The following GPR39 variants were observed in gnomAD, a reference collection of about 807,000 sequenced individuals.
The protein encoded by GPR39 is G protein-coupled receptor 39, also known as zinc sensing receptor.
GPR39 carries 23 observed loss-of-function variants against 18.4 expected under a neutral mutation model. That is an observed-to-expected ratio of 1.25 (90% CI 0.90 to 1.77). The LOEUF is 1.77. Among genes scored for constraint, GPR39 ranks in the 40% most tolerant of loss-of-function variants. The pLI is 0.00. For missense variants in GPR39, 647 were observed against 602.4 expected (o/e 1.07, Z -0.78); for synonymous variants, 280 against 257.9 (o/e 1.09, Z -0.82).
At chr2:132,608,847 G>A (rs1454860251) in intron 1 of GPR39, among the ~76,000 whole-genome samples, 8 of 152,188 alleles carry the variant, frequency 5.3e-5, no homozygotes, top group Non-Finnish European at 1.0e-4. Flanking sequence ...ACTTGAGATG[G>A]CATTTTCCTG....
intron 1 of GPR39, among the ~76,000 whole-genome samples, chr2:132,450,602 C>T (rs1215104196): frequency 2.0e-5 from 3 of 152,230 alleles, no homozygotes; most frequent in African/African-American, 7.2e-5. Context: ...TTTCCTGCTT[C>T]CTTCACCTAT....
intron 1 of GPR39, among the ~76,000 whole-genome samples, chr2:132,563,813 G>T (rs1030439054): frequency 2.0e-5 from 3 of 151,732 alleles, no homozygotes; most frequent in African/African-American, 7.3e-5. Context: ...ATTTAAATAG[G>T]TGGCCTGGGC....
chr2:132,525,628 C>G (rs1679494651), intron 1 of GPR39, among the ~76,000 whole-genome samples: 1 of 152,198 alleles, frequency 6.6e-6, no homozygotes, highest in Non-Finnish European at 1.5e-5. Flanking sequence ...ATCGTTTCTG[C>G]CTGTCTTACT....
chr2:132,525,696 G>C (rs1679495911), intron 1 of GPR39, among the ~76,000 whole-genome samples: 1 of 152,214 alleles, frequency 6.6e-6, no homozygotes, highest in African/African-American at 2.4e-5. Flanking sequence ...AGTGCTCACT[G>C]TGTGCCAGGC....
chr2:132,449,400 C>A (rs1680595297), intron 1 of GPR39, among the ~76,000 whole-genome samples: 1 of 152,134 alleles, frequency 6.6e-6, no homozygotes. Flanking sequence ...GCATGCGCCA[C>A]CATGCCTGGC....
intron 1 of GPR39, among the ~76,000 whole-genome samples, chr2:132,510,709 T>G (rs578135496): frequency 4.5e-4 from 69 of 152,318 alleles, no homozygotes; most frequent in African/African-American, 1.5e-3. Flanking sequence ...TGGTTCTATT[T>G]TGTTTACTTT....
At chr2:132,428,620 A>G (rs1434289191) in intron 1 of GPR39, among the ~76,000 whole-genome samples, 1 of 152,194 alleles carries the variant, frequency 6.6e-6, no homozygotes, top group African/African-American at 2.4e-5. Flanking sequence ...CACCCCTACC[A>G]GTTGAATTGT....
At chr2:132,641,969 A>C (rs917368627) in intron 1 of GPR39, among the ~76,000 whole-genome samples, 1 of 152,216 alleles carries the variant, frequency 6.6e-6, no homozygotes, top group Non-Finnish European at 1.5e-5. Flanking sequence ...CACTTGGGCA[A>C]CTAACTTTCT....
At chr2:132,595,942 G>A (rs937726012) in intron 1 of GPR39, among the ~76,000 whole-genome samples, 1 of 152,106 alleles carries the variant, frequency 6.6e-6, no homozygotes, top group Non-Finnish European at 1.5e-5. Context: ...GGAGCTGCTG[G>A]TAAGAGCTCA....
chr2:132,624,746 G>A (rs6714581), intron 1 of GPR39, among the ~76,000 whole-genome samples: 3,202 of 152,312 alleles, frequency 0.021, 104 homozygotes, highest in African/African-American at 0.072. Flanking sequence ...GTTCTAGGGT[G>A]CAGCTTTAGC....
At chr2:132,528,287 A>C (rs1029716311) in intron 1 of GPR39, among the ~76,000 whole-genome samples, 1 of 152,046 alleles carries the variant, frequency 6.6e-6, no homozygotes, top group Non-Finnish European at 1.5e-5. Flanking sequence ...CCATTGGTCT[A>C]TATGTCTTTT....
intron 1 of GPR39, among the ~76,000 whole-genome samples, chr2:132,438,676 C>G (rs1680378727): frequency 7.0e-6 from 1 of 143,614 alleles, no homozygotes; most frequent in South Asian, 2.2e-4. Context: ...TATTTACTAT[C>G]TGGCCCTTTA....
chr2:132,605,461 G>A (rs979371699), intron 1 of GPR39, among the ~76,000 whole-genome samples: 1 of 151,970 alleles, frequency 6.6e-6, no homozygotes, highest in Non-Finnish European at 1.5e-5. Flanking sequence ...TCTCATTGAT[G>A]GCCCCAGAAG....
intron 1 of GPR39, among the ~76,000 whole-genome samples, chr2:132,557,627 G>A (rs1209383884): frequency 6.6e-6 from 1 of 151,784 alleles, no homozygotes; most frequent in Non-Finnish European, 1.5e-5. Flanking sequence ...GAGACCCAAG[G>A]TCAGGCAAGT....
intron 1 of GPR39, among the ~76,000 whole-genome samples, chr2:132,422,799 T>C (rs1036282788): frequency 1.3e-5 from 2 of 151,940 alleles, no homozygotes; most frequent in Non-Finnish European, 2.9e-5. Context: ...ATAATCAGGC[T>C]GTCTCAAAGA....
chr2:132,544,313 A>G (rs1679905892), intron 1 of GPR39, among the ~76,000 whole-genome samples: 1 of 152,104 alleles, frequency 6.6e-6, no homozygotes, highest in African/African-American at 2.4e-5. Context: ...GTTTTTCTTT[A>G]TCTCCATGCT....
intron 1 of GPR39, among the ~76,000 whole-genome samples, chr2:132,567,030 G>A (rs929663332): frequency 6.6e-6 from 1 of 152,180 alleles, no homozygotes; most frequent in Non-Finnish European, 1.5e-5. Context: ...CAAAGTAACA[G>A]TATTAAGAAG....
chr2:132,591,028 G>C (rs1033529038), intron 1 of GPR39, among the ~76,000 whole-genome samples: 15 of 150,786 alleles, frequency 9.9e-5, no homozygotes, highest in Non-Finnish European at 1.8e-4. Context: ...GAGGCGGGTG[G>C]ATCATGAGGT....
chr2:132,436,300 G>A (rs2104762061), intron 1 of GPR39, among the ~76,000 whole-genome samples: 1 of 152,328 alleles, frequency 6.6e-6, no homozygotes, highest in South Asian at 2.1e-4. Flanking sequence ...TTGGAAGAGT[G>A]TCATCAAGCT....
Sources: gnomAD v4.1 joint callset for allele counts (sites outside exome capture counted in the v4.1 genomes callset) on GRCh38, gnomAD v4.1.1 for gene constraint, MANE v1.5 for transcripts, NCBI Gene and HGNC (gene_info 2026-07-23, HGNC 2026-07-21) for gene names.